Variants in DIAPH2 observed in about 807,000 individuals in gnomAD.
The protein encoded by DIAPH2 is protein diaphanous homolog 2.
A neutral mutation model predicts 92.7 loss-of-function variants in DIAPH2; 35 were observed. That is an observed-to-expected ratio of 0.38 (90% CI 0.29 to 0.50). The LOEUF is 0.50. DIAPH2 is among the 20% of genes least tolerant of loss of function. DIAPH2 has a pLI of 0.94. For missense variants in DIAPH2, 701 were observed against 819.5 expected, an observed-to-expected ratio of 0.86 and a Z score of 1.77; for synonymous variants, 301 against 280.4, an observed-to-expected ratio of 1.07 and a Z score of -0.73.
chrX:96,865,150 T>A (rs2065096731), intron 4 of DIAPH2, among the ~76,000 whole-genome samples: 2 of 111,959 alleles, frequency 1.8e-5, no homozygotes, highest in African/African-American at 3.2e-5. Flanking sequence ...AAATACCAAA[T>A]AGTAATGAGC....
chrX:97,312,345 CTTTTTTTTTTT>C (rs56309139), intron 23 of DIAPH2, among the ~76,000 whole-genome samples: 4 of 54,946 alleles, frequency 7.3e-5, no homozygotes, highest in Non-Finnish European at 9.2e-5. Context: ...CAATAGAATC[CTTTTTTTTTTT>C]TTTTTTTTTT....
In DIAPH2 at chrX:96,685,090, C is replaced by A; in HGVS notation, c.32C>A (p.Ala11Glu). 9.9e-7 allele frequency: 1 copy of A among 1,007,430 alleles called. No homozygotes were observed. Among genetic ancestry groups the A allele is most frequent in the Non-Finnish European group, 1.3e-6 (1 of 790,684 alleles). 83.0% of individuals were successfully genotyped at this position (1,007,430 alleles called of 1,213,427 possible). MEQPGAAASG[A>E]GGGSEEPGGG... ...CAGCCCGGGGCGGCGGCGTCGGGAGCGGGAGGCGGCAGCGAGGAACCCGGT... is the reference window on the plus strand; with the variant it reads ...CAGCCCGGGGCGGCGGCGTCGGGAGAGGGAGGCGGCAGCGAGGAACCCGGT... The change falls in exon 1 of 27, where the codon GCG becomes GAG. Residue 11 changes from alanine (A) to glutamate (E), a missense_variant. Ala to Glu is a moderately radical substitution (Grantham distance 107). Transcript: ENST00000324765.
chrX:97,477,478 G>A (rs1055268424), intron 26 of DIAPH2, among the ~76,000 whole-genome samples: 1 of 111,080 alleles, frequency 9.0e-6, no homozygotes, highest in African/African-American at 3.3e-5. Flanking sequence ...ACAAAAATTA[G>A]CCAGGAGTCC....
rs20387 is a variant in DIAPH2, at chrX:97,099,708, T to C, written c.2262T>C (p.His754=). Residue 754 remains histidine, a synonymous_variant, in exon 20 of 27, where the codon CAT becomes CAC. Coordinates refer to ENST00000324765, the MANE Select transcript of DIAPH2 (RefSeq NM_006729.5). ...TTTCTTTTTAGAACCTTGTGAAACA[T>C]CTTCCTGAGCAGAAGATACTCAACG... ...SEALIQNLVK[H]LPEQKILNEL... 1,337 of 1,169,868 alleles carry C rather than the reference T, an allele frequency of 1.1e-3. 12 individuals are homozygous for C. The African/African-American group carries it at 0.022, about 19-fold the overall frequency.
chrX:97,115,242 A>G (rs1052403222), intron 21 of DIAPH2, among the ~76,000 whole-genome samples: 2 of 112,125 alleles, frequency 1.8e-5, no homozygotes, highest in African/African-American at 3.2e-5. Flanking sequence ...TTTATAAACT[A>G]GATGCAGTAT....
chrX:97,105,344 T>C (rs987645032), intron 20 of DIAPH2, among the ~76,000 whole-genome samples: 1 of 111,188 alleles, frequency 9.0e-6, no homozygotes, highest in Non-Finnish European at 1.9e-5. Context: ...CCCAGAGACT[T>C]TTCCTCTGTC....
chrX:96,884,579 T>C (rs748650794), intron 5 of DIAPH2: 9 of 1,208,323 alleles, frequency 7.4e-6, no homozygotes, highest in Non-Finnish European at 1.0e-5. Context: ...TCAAATCACA[T>C]TTGTTACAAA....
At chrX:97,016,800 A>G (rs1399796280) in intron 17 of DIAPH2, among the ~76,000 whole-genome samples, 1 of 112,515 alleles carries the variant, frequency 8.9e-6, no homozygotes, top group Non-Finnish European at 1.9e-5. Flanking sequence ...CTTAAAGTAT[A>G]TCATTGCTTA....
At position 97,288,294 on chromosome X, in the gene DIAPH2, C is replaced by T. The variant is rs555209848; in HGVS notation, c.2844+40455C>T. On this transcript the variant is annotated intron_variant, in intron 23 of 26. Coordinates refer to ENST00000324765, the MANE Select transcript of DIAPH2 (RefSeq NM_006729.5). ...AGAGATAGTACTTGAAGTATTTGGT[C>T]CAGAGTTAGAGCTTTACTTGGCAGA... 9.9e-5 allele frequency among the ~76,000 whole-genome samples: 11 copies of T among 111,069 alleles called. 1 individual carries two copies. In the South Asian group the frequency reaches 4.2e-3, roughly 42 times the overall value.
intron 22 of DIAPH2, among the ~76,000 whole-genome samples, chrX:97,236,715 T>A (rs979073714): frequency 4.6e-5 from 5 of 109,428 alleles, no homozygotes; most frequent in Admixed American, 2.0e-4. Flanking sequence ...CGGCTAATTT[T>A]TTGTATTTTT....
intron 4 of DIAPH2, among the ~76,000 whole-genome samples, chrX:96,811,423 A>C (rs941532767): frequency 3.6e-5 from 4 of 111,944 alleles, no homozygotes; most frequent in African/African-American, 1.3e-4. Context: ...TTAGGCTGAG[A>C]CAGTGGGGTT....
At chrX:96,864,291 C>CTTT (rs771042613) in intron 4 of DIAPH2, among the ~76,000 whole-genome samples, 1 of 87,300 alleles carries the variant, frequency 1.1e-5, no homozygotes, top group African/African-American at 4.2e-5. Flanking sequence ...TTTTGAGGCA[C>CTTT]TTTTTTTTTT....
intron 22 of DIAPH2, among the ~76,000 whole-genome samples, chrX:97,199,961 C>T (rs960270044): frequency 9.1e-6 from 1 of 110,206 alleles, no homozygotes; most frequent in Non-Finnish European, 1.9e-5. Flanking sequence ...GAAACAGCTC[C>T]AGTCTGCAGC....
At chrX:97,381,940 A>C (rs1019692913) in intron 24 of DIAPH2, among the ~76,000 whole-genome samples, 3 of 110,707 alleles carry the variant, frequency 2.7e-5, no homozygotes, top group Non-Finnish European at 5.7e-5. Flanking sequence ...AAACTATGTG[A>C]GGAATCCTAA....
In DIAPH2 at chrX:96,758,278, T is replaced by C. The variant is rs1355034239; in HGVS notation, c.447+20T>C. 1 of 1,163,780 alleles carries C rather than the reference T, an allele frequency of 8.6e-7. No individual in the cohort carries two copies. The highest frequency in any genetic ancestry group is 1.8e-5 in the African/African-American group (1 of 55,733). ...AAATCTGTAAGTAGGGAGATTTTTC[T>C]AGCTCCAACAGAATGAGCAATGAGC... On this transcript the variant is annotated intron_variant, in intron 4 of 26. Transcript: ENST00000324765.
chrX:97,333,409 A>G (rs1602514992), intron 23 of DIAPH2, among the ~76,000 whole-genome samples: 1 of 111,599 alleles, frequency 9.0e-6, no homozygotes, highest in East Asian at 2.8e-4. Context: ...GTGCTCCCTT[A>G]CTTGTTTCTC....
chrX:96,749,367 T>C (rs945863674), intron 3 of DIAPH2, among the ~76,000 whole-genome samples: 6 of 110,416 alleles, frequency 5.4e-5, no homozygotes, highest in Non-Finnish European at 1.1e-4. Flanking sequence ...GTGAGAACAG[T>C]GTCACTATGT....
intron 1 of DIAPH2, among the ~76,000 whole-genome samples, chrX:96,717,788 T>C (rs1451987840): frequency 1.1e-5 from 1 of 91,816 alleles, no homozygotes; most frequent in Non-Finnish European, 2.1e-5. Flanking sequence ...CACTGGTTTA[T>C]ATGTTTTTTA....
At position 96,807,944 on chromosome X, in the gene DIAPH2, C is replaced by CAAAAAAAAAAAA. The variant is rs541681495; in HGVS notation, c.447+49714_447+49725dup. Among the ~76,000 whole-genome samples the CAAAAAAAAAAAA allele has an allele frequency of 6.2e-4, 9 of 14,490 alleles. 3 individuals are homozygous for CAAAAAAAAAAAA. The highest frequency in any genetic ancestry group is 1.1e-3 in the Non-Finnish European group (9 of 8,260). 12.6% of individuals were successfully genotyped at this position (14,490 alleles called of 115,157 possible). On this transcript the variant is annotated intron_variant, in intron 4 of 26. Transcript: ENST00000324765. Reference sequence around the variant, plus strand: ...GTGAGATTTGGTATTGTAGAAATAGCAAAAAAAAAAAAAAAAAAAAAAAAA... The same window carrying CAAAAAAAAAAAA: ...GTGAGATTTGGTATTGTAGAAATAGCAAAAAAAAAAAAAAAAAAAAAAAAAAAAAAAAAAAAA...
Sources: gnomAD v4.1 joint callset for allele counts (sites outside exome capture counted in the v4.1 genomes callset) on GRCh38, gnomAD v4.1.1 for gene constraint, MANE v1.5 for transcripts, NCBI Gene and HGNC (gene_info 2026-07-23, HGNC 2026-07-21) for gene names.